Variants in ENTPD7 observed in about 807,000 individuals in gnomAD.
ENTPD7 encodes ectonucleoside triphosphate diphosphohydrolase 7, also known as NTPDase 7.
ENTPD7 carries 53 observed loss-of-function variants against 77.9 expected under a neutral mutation model. The ratio of observed to expected loss-of-function variants is 0.68; its 90% CI spans 0.55 to 0.85. The LOEUF (loss-of-function observed/expected upper bound fraction) is 0.85, where lower values mean the gene tolerates loss of function less well. ENTPD7 is among the 40% of genes least tolerant of loss of function. ENTPD7 has a pLI of 0.00. For synonymous variants in ENTPD7, 248 were observed against 274.9 expected (o/e 0.90, Z 0.97); for missense variants, 636 against 743.7 (o/e 0.86, Z 1.68).
In ENTPD7 at chr10:99,709,096, C is replaced by T. The variant is rs1028058486; in HGVS notation, c.*4413C>T. 17 of 980,920 alleles carry T rather than the reference C, an allele frequency of 1.7e-5. No individual in the cohort carries two copies. Among genetic ancestry groups the T allele is most frequent in the Non-Finnish European group, 1.9e-5 (16 of 825,984 alleles). 60.8% of individuals were successfully genotyped at this position (980,920 alleles called of 1,614,324 possible). On this transcript the variant is annotated 3_prime_UTR_variant, in exon 13 of 13. Coordinates refer to ENST00000370489, the MANE Select transcript of ENTPD7 (RefSeq NM_020354.5). ...TTAAATTTTATACATCTTTTTAAAA[C>T]AATTTTATACAATTTCCTTTACTAC...
intron 9 of ENTPD7, chr10:99,697,494 G>C (rs1366577252): frequency 6.2e-6 from 1 of 162,060 alleles, no homozygotes; most frequent in African/African-American, 2.4e-5. Flanking sequence ...CCCATGCGTT[G>C]GTATTTTCTT....
Position 99,696,135 on chromosome 10 carries a change from T to C in ENTPD7, c.1010+13T>C, listed in dbSNP as rs1349392732. 8 of 1,613,030 alleles carry C rather than the reference T, an allele frequency of 5.0e-6. No homozygotes were observed. The highest frequency in any genetic ancestry group is 4.0e-5 in the African/African-American group (3 of 74,864). ...TTAACAAAAACAGGTACATTTGATA[T>C]GGGATCTGAGTTTCTGAAATATAAT... On this transcript the variant is annotated intron_variant, in intron 9 of 12. Coordinates refer to ENST00000370489, the MANE Select transcript of ENTPD7 (RefSeq NM_020354.5).
chr10:99,663,494 G>A (rs374677102), intron 3 of ENTPD7, among the ~76,000 whole-genome samples: 8 of 145,930 alleles, frequency 5.5e-5, no homozygotes, highest in South Asian at 2.1e-4. Flanking sequence ...ACTATCTCGC[G>A]CATCTCCCAG....
chr10:99,679,292 A>G lies in ENTPD7; in HGVS notation c.223A>G (p.Thr75Ala). Residue 75 changes from threonine to alanine, a missense_variant, in exon 4 of 13, where the codon ACT (threonine) becomes GCT (alanine). Thr to Ala is a moderately conservative substitution (Grantham distance 58, BLOSUM62 0). This residue lies in a region of ENTPD7 where 486 missense variants were observed against 556.5 expected (regional missense o/e 0.87). Transcript: ENST00000370489. ...GGCTCGAGTAGGGGAGCTTGAAGCT[A>G]CTGACACTGAAGACCCAAATCTGAA... ...YLARVGELEATDTEDPNLNYG... is the reference protein window; with the variant it reads ...YLARVGELEAADTEDPNLNYG... 1.9e-6 allele frequency: 3 copies of G among 1,614,172 alleles called. No individual in the cohort carries two copies. Among genetic ancestry groups the G allele is most frequent in the Non-Finnish European group, 2.5e-6 (3 of 1,180,028 alleles).
At chr10:99,701,462 AT>A (rs1403241135) in intron 11 of ENTPD7, among the ~76,000 whole-genome samples, 6 of 151,174 alleles carry the variant, frequency 4.0e-5, no homozygotes, top group Admixed American at 3.9e-4. Flanking sequence ...CAATTTTTGT[AT>A]TTTTTTGTAG....
chr10:99,690,963 T>C (rs1189022804), intron 7 of ENTPD7, among the ~76,000 whole-genome samples: 1 of 152,148 alleles, frequency 6.6e-6, no homozygotes, highest in Non-Finnish European at 1.5e-5. Context: ...GTGTAATATA[T>C]AGTTGATTCA....
intron 5 of ENTPD7, among the ~76,000 whole-genome samples, chr10:99,680,788 G>T (rs891868335): frequency 1.3e-5 from 2 of 152,034 alleles, no homozygotes; most frequent in Admixed American, 6.6e-5. Flanking sequence ...TGTTGCCCAG[G>T]CTGGTTTAGA....
chr10:99,666,068 G>T (rs2035546524), intron 3 of ENTPD7, among the ~76,000 whole-genome samples: 1 of 152,176 alleles, frequency 6.6e-6, no homozygotes, highest in Admixed American at 6.5e-5. Context: ...AGACAATTAG[G>T]GAGTGAATGG....
At chr10:99,660,539 C>T in intron 2 of ENTPD7, 1 of 342,730 alleles carries the variant, frequency 2.9e-6, no homozygotes, top group South Asian at 2.1e-5. Context: ...CACACACACA[C>T]ACACACACAC....
At chr10:99,701,913 T>C (rs1424553966) in intron 11 of ENTPD7, among the ~76,000 whole-genome samples, 4 of 151,896 alleles carry the variant, frequency 2.6e-5, no homozygotes, top group African/African-American at 9.7e-5. Flanking sequence ...CAGGGTTTGG[T>C]GGCAGGTGCC....
Position 99,685,912 on chromosome 10 carries a change from G to A in ENTPD7, c.652+17G>A. 2 of 1,563,946 alleles carry A rather than the reference G, an allele frequency of 1.3e-6. No homozygotes were observed. The highest frequency in any genetic ancestry group is 2.3e-5 in the East Asian group (1 of 44,352). ...AGCAGGAAGGTACTGGGCCTTAAGGGGTGCAGCTGGTTAACCTCTAAGCCA... is the reference window on the plus strand; with the variant it reads ...AGCAGGAAGGTACTGGGCCTTAAGGAGTGCAGCTGGTTAACCTCTAAGCCA... On this transcript the variant is annotated intron_variant, in intron 6 of 12. Transcript: ENST00000370489.
In ENTPD7 at chr10:99,686,551, TA is replaced by T. The variant is rs530549091; in HGVS notation, c.652+660del. Among the ~76,000 whole-genome samples the T allele has an allele frequency of 1.3e-3, 201 of 152,294 alleles. 1 individual carries two copies. Among genetic ancestry groups the T allele is most frequent in the South Asian group, 5.0e-3 (24 of 4,832 alleles). On this transcript the variant is annotated intron_variant, in intron 6 of 12. Coordinates refer to ENST00000370489, the MANE Select transcript of ENTPD7 (RefSeq NM_020354.5). ...ATTTCAGTATTGCATTTTTCAGTTG[TA>T]AAATTTCTATTTTGATCTTCTTAAT...
chr10:99,671,938 A>C lies in ENTPD7; in HGVS notation c.192-7323A>C, dbSNP rs1217408377. On this transcript the variant is annotated intron_variant, in intron 3 of 12. Coordinates refer to ENST00000370489, the MANE Select transcript of ENTPD7 (RefSeq NM_020354.5). ...GTTTAATTAAAGCAAGTCAAAGAGA[A>C]GCATTGCTTTTGGTTAGAATGCTCT... Among the ~76,000 whole-genome samples the C allele has an allele frequency of 2.6e-5, 4 of 152,348 alleles. No homozygotes were observed. The East Asian group carries it at 5.8e-4, about 22-fold the overall frequency.
intron 8 of ENTPD7, among the ~76,000 whole-genome samples, chr10:99,693,622 AT>A (rs139800425): frequency 1.1e-3 from 170 of 152,278 alleles, no homozygotes; most frequent in Admixed American, 2.2e-3. Flanking sequence ...AACAAATTAG[AT>A]TTACATATAG....
In ENTPD7 at chr10:99,701,052, G is replaced by A. The variant is rs1197367688; in HGVS notation, c.1415G>A (p.Arg472Gln). The change falls in exon 11 of 13, where the codon CGA becomes CAA. Residue 472 changes from arginine (R) to glutamine (Q), a missense_variant. Physicochemically the swap from Arg to Gln is conservative, Grantham distance 43 (BLOSUM62 1). This residue lies in a region of ENTPD7 where 12 missense variants were observed against 36.3 expected (regional missense o/e 0.33). Transcript: ENST00000370489. The stretch of plus-strand genomic sequence containing the variant: ...TTTTCATCACATGCAGATGAGCATC[G>A]ACTCAAGTAAGTTACTTCCCTTTCC... Reference protein sequence around the residue: ...GLFSSHADEHRLKYQCFKSAW... With the variant: ...GLFSSHADEHQLKYQCFKSAW... 3.7e-6 allele frequency: 6 copies of A among 1,613,556 alleles called. No homozygotes were observed. In the African/African-American group the frequency reaches 4.0e-5, roughly 11 times the overall value.
At chr10:99,675,330 T>TG (rs1404828235) in intron 3 of ENTPD7, among the ~76,000 whole-genome samples, 72 of 144,230 alleles carry the variant, frequency 5.0e-4, no homozygotes, top group African/African-American at 1.4e-3. Flanking sequence ...TGAATGTGTG[T>TG]TTTTTTTTTT....
chr10:99,704,753 T>C lies in ENTPD7; in HGVS notation c.*70T>C, dbSNP rs1590068080. 3.6e-6 allele frequency: 5 copies of C among 1,380,484 alleles called. No individual in the cohort carries two copies. The South Asian group carries it at 3.7e-5, about 10-fold the overall frequency. The allele number at this position is 1,380,484 out of a possible 1,614,324, so 85.5% of individuals were successfully genotyped here. A position where few individuals can be genotyped will look rare whatever the true frequency, so the allele number is the denominator to read the frequency against. On this transcript the variant is annotated 3_prime_UTR_variant, in exon 13 of 13. Transcript: ENST00000370489. The stretch of plus-strand genomic sequence containing the variant: ...CTCATTGAATTCCTCCACTTTCTTA[T>C]ATAGCCTCAGATGCTGTGATGTCTG...
chr10:99,688,696 G>T lies in ENTPD7; in HGVS notation c.655G>T (p.Val219Phe), dbSNP rs749339786. ...AEVISGKQEG[V>F]YAWIGINFVL... Reference sequence around the variant, plus strand: ...GGGCTTTTCTGTTTCTTACTTAGGGGTTTATGCATGGATTGGAATCAACTT... The same window carrying T: ...GGGCTTTTCTGTTTCTTACTTAGGGTTTTATGCATGGATTGGAATCAACTT... The change falls in exon 7 of 13, where the codon GTT (valine) becomes TTT (phenylalanine). Residue 219 changes from valine to phenylalanine, a missense_variant and splice_region_variant. Val to Phe is a conservative substitution (Grantham distance 50). This residue lies in a region of ENTPD7 where 486 missense variants were observed against 556.5 expected (regional missense o/e 0.87). Transcript: ENST00000370489. 1 of 1,613,788 alleles carries T rather than the reference G, an allele frequency of 6.2e-7. No homozygotes were observed. Among genetic ancestry groups the T allele is most frequent in the African/African-American group, 1.3e-5 (1 of 74,918 alleles).
chr10:99,704,359 T>C (rs1226263083), intron 12 of ENTPD7, 93 bp from the exon 13 acceptor site: 13 of 1,232,736 alleles, frequency 1.1e-5, no homozygotes, highest in Non-Finnish European at 1.4e-5. Context: ...ATGGAATAAA[T>C]GTGATAACAC....
Sources: gnomAD v4.1 joint callset for allele counts (sites outside exome capture counted in the v4.1 genomes callset) on GRCh38, gnomAD v4.1.1 for gene constraint, gnomAD v4.1.1 regional missense constraint, MANE v1.5 for transcripts, NCBI Gene and HGNC (gene_info 2026-07-23, HGNC 2026-07-21) for gene names.